OPRM1: variants seen among roughly 807,000 people sequenced by gnomAD.
OPRM1 encodes the protein mu-type opioid receptor.
A neutral mutation model predicts 31.8 loss-of-function variants in OPRM1; 27 were observed. The observed-to-expected ratio is 0.85, with a 90% CI of 0.63 to 1.17. The LOEUF (loss-of-function observed/expected upper bound fraction) is 1.17, where lower values mean the gene tolerates loss of function less well. OPRM1 is among the 50% of genes most tolerant of loss of function. The pLI is 0.00. For synonymous variants in OPRM1, 196 were observed against 189.9 expected, an observed-to-expected ratio of 1.03 and a Z score of -0.26; for missense variants, 536 against 511.1, an observed-to-expected ratio of 1.05 and a Z score of -0.47.
chr6:154,176,128 C>T (rs968250797), intron 3 of OPRM1, among the ~76,000 whole-genome samples: 3 of 152,278 alleles, frequency 2.0e-5, no homozygotes, highest in East Asian at 3.9e-4. Context: ...AACAGCCTTT[C>T]GTGCTAAAAA....
intron 3 of OPRM1, among the ~76,000 whole-genome samples, chr6:154,164,434 C>A (rs1292566337): frequency 6.6e-6 from 1 of 152,156 alleles, no homozygotes; most frequent in Non-Finnish European, 1.5e-5. Context: ...AACAACAGAA[C>A]CTTCCAAGCT....
intron 3 of OPRM1, among the ~76,000 whole-genome samples, chr6:154,174,483 A>G (rs1007159684): frequency 7.2e-5 from 11 of 152,180 alleles, no homozygotes; most frequent in African/African-American, 2.7e-4. Flanking sequence ...AAGATCTATC[A>G]AGCAAATGGA....
At chr6:154,076,004 T>C (rs1478846784) in intron 1 of OPRM1, among the ~76,000 whole-genome samples, 2 of 152,222 alleles carry the variant, frequency 1.3e-5, no homozygotes, top group African/African-American at 4.8e-5. Context: ...ATTACTCTTC[T>C]TCTCATGTAT....
intron 1 of OPRM1, among the ~76,000 whole-genome samples, chr6:154,044,824 C>T (rs951452168): frequency 1.3e-5 from 2 of 152,028 alleles, no homozygotes; most frequent in Admixed American, 1.3e-4. Flanking sequence ...ATTATTTCTC[C>T]TAGGATTCCG....
At chr6:154,070,019 A>G (rs1047285662) in intron 1 of OPRM1, among the ~76,000 whole-genome samples, 6 of 152,188 alleles carry the variant, frequency 3.9e-5, no homozygotes, top group Non-Finnish European at 8.8e-5. Context: ...TGCTTCAGCT[A>G]TAGGGAAAGA....
chr6:154,246,361 C>T (rs939457269), intron 3 of OPRM1, among the ~76,000 whole-genome samples: 5 of 152,202 alleles, frequency 3.3e-5, no homozygotes, highest in Non-Finnish European at 7.3e-5. Flanking sequence ...TGTCGACACT[C>T]CCTTCCTCCC....
At chr6:154,058,964 G>A (rs898330399) in intron 1 of OPRM1, among the ~76,000 whole-genome samples, 5 of 152,204 alleles carry the variant, frequency 3.3e-5, no homozygotes, top group African/African-American at 1.2e-4. Context: ...TGAATTGAGA[G>A]CTACATTACC....
chr6:154,040,880 A>G (rs1337732376), intron 1 of OPRM1, among the ~76,000 whole-genome samples: 1 of 152,234 alleles, frequency 6.6e-6, no homozygotes, highest in African/African-American at 2.4e-5. Flanking sequence ...TGTATATTCA[A>G]ATACTACATG....
At chr6:154,142,260 G>A (rs1157882808) in intron 3 of OPRM1, among the ~76,000 whole-genome samples, 1 of 152,118 alleles carries the variant, frequency 6.6e-6, no homozygotes, top group Non-Finnish European at 1.5e-5. Context: ...ATAACAATAG[G>A]TCGCAGCCAG....
chr6:154,107,953 T>TTTTATTTTATTTTA lies in OPRM1; in HGVS notation c.1165-10727_1165-10726insATTTTATTTTATTT, dbSNP rs61614242. ...TTTACAGAGGAGATAAACACTGATTTTTTTATTTTATTTTATTTTATTTTA... is the reference window on the plus strand; with the variant it reads ...TTTACAGAGGAGATAAACACTGATTTTTTATTTTATTTTATTTTATTTTATTTTATTTTATTTTA... On this transcript the variant is annotated intron_variant, in intron 3 of 3. Transcript: ENST00000330432. 578 of 518,104 alleles carry TTTTATTTTATTTTA rather than the reference T, an allele frequency of 1.1e-3. 1 individual carries two copies. In the African/African-American group the frequency reaches 0.012, roughly 11 times the overall value. 32.1% of individuals were successfully genotyped at this position (518,104 alleles called of 1,614,324 possible).
chr6:154,180,614 T>C (rs1265903120), intron 3 of OPRM1, among the ~76,000 whole-genome samples: 2 of 152,034 alleles, frequency 1.3e-5, no homozygotes, highest in Non-Finnish European at 2.9e-5. Context: ...AATTTGGCTG[T>C]CGAGAACACT....
intron 3 of OPRM1, among the ~76,000 whole-genome samples, chr6:154,200,448 C>T (rs964420551): frequency 1.3e-5 from 2 of 152,254 alleles, no homozygotes; most frequent in East Asian, 1.9e-4. Flanking sequence ...AGGCTGGGTG[C>T]GATGGCTCAT....
intron 1 of OPRM1, among the ~76,000 whole-genome samples, chr6:154,072,568 A>G (rs1180926050): frequency 6.6e-6 from 1 of 152,234 alleles, no homozygotes; most frequent in Non-Finnish European, 1.5e-5. Context: ...CTGGTCCCCA[A>G]GCTCCAGAAC....
chr6:154,051,951 G>A (rs1372667488), intron 1 of OPRM1, among the ~76,000 whole-genome samples: 1 of 152,126 alleles, frequency 6.6e-6, no homozygotes, highest in Non-Finnish European at 1.5e-5. Context: ...TGATAGGTTG[G>A]ATAAAGAAAA....
At chr6:154,039,140 C>G, upstream of OPRM1, 3 of 1,548,084 alleles carry the variant, frequency 1.9e-6, no homozygotes, top group South Asian at 3.6e-5. Context: ...CCCAACCCTT[C>G]TCTCCATCTC....
intron 3 of OPRM1, among the ~76,000 whole-genome samples, chr6:154,174,959 C>G (rs1800191624): frequency 6.6e-6 from 1 of 152,066 alleles, no homozygotes; most frequent in Non-Finnish European, 1.5e-5. Context: ...GAAAAGAAAT[C>G]ACAACAAACT....
chr6:154,056,308 G>A lies in OPRM1; in HGVS notation c.290+16474G>A, dbSNP rs7745937. ...CCAGCTAATTTTTGTATTTTTAGTA[G>A]AGATGGGGTTTCACCACATTGGCCA... On this transcript the variant is annotated intron_variant, in intron 1 of 3. Coordinates refer to ENST00000330432, the MANE Select transcript of OPRM1 (RefSeq NM_000914.5). 6.0e-3 allele frequency among the ~76,000 whole-genome samples: 912 copies of A among 151,978 alleles called. 7 individuals are homozygous for A. The highest frequency in any genetic ancestry group is 0.021 in the African/African-American group (869 of 41,464).
chr6:154,057,828 C>T (rs968024691), intron 1 of OPRM1, among the ~76,000 whole-genome samples: 1 of 152,098 alleles, frequency 6.6e-6, no homozygotes, highest in East Asian at 1.9e-4. Flanking sequence ...CTTATGAATA[C>T]CCTGTCACAC....
intron 1 of OPRM1, among the ~76,000 whole-genome samples, chr6:154,070,301 C>A (rs1276795696): frequency 6.6e-6 from 1 of 152,208 alleles, no homozygotes; most frequent in Non-Finnish European, 1.5e-5. Flanking sequence ...TACTGTCAAG[C>A]ATTCCCCTGG....
Sources: allele counts gnomAD v4.1 joint callset (sites outside exome capture counted in the v4.1 genomes callset), GRCh38; gene constraint gnomAD v4.1.1; transcripts MANE v1.5; gene names NCBI Gene and HGNC (gene_info 2026-07-23, HGNC 2026-07-21).